TXLNB: variants seen among roughly 807,000 people sequenced by gnomAD.
The protein encoded by TXLNB is taxilin beta.
Under a neutral mutation model 57.4 loss-of-function variants are expected in TXLNB, and 37 were observed. That is an observed-to-expected ratio of 0.64 (90% CI 0.50 to 0.85). TXLNB has a LOEUF of 0.85. TXLNB is among the 40% of genes least tolerant of loss of function. TXLNB has a pLI of 0.00. For synonymous variants in TXLNB, 302 were observed against 309.6 expected (o/e 0.98, Z 0.26); for missense variants, 848 against 825.6 (o/e 1.03, Z -0.33).
the TXLNB span, among the ~76,000 whole-genome samples, chr6:139,163,297 G>C: frequency 6.6e-6 from 1 of 151,990 alleles, no homozygotes; most frequent in African/African-American, 2.4e-5. Context: ...GTAGTGCAGA[G>C]GTGGAGAAGC....
the TXLNB span, among the ~76,000 whole-genome samples, chr6:139,210,266 T>G: frequency 1.3e-5 from 2 of 152,262 alleles, no homozygotes; most frequent in South Asian, 2.1e-4. Flanking sequence ...CTGGTGGGAA[T>G]GTAAACTAGT....
At chr6:139,198,851 C>G in the TXLNB span, among the ~76,000 whole-genome samples, 1 of 152,304 alleles carries the variant, frequency 6.6e-6, no homozygotes, top group Non-Finnish European at 1.5e-5. Flanking sequence ...GCTGCTAACC[C>G]CAGGGAGCGT....
At chr6:139,257,555 A>G (rs1776376393) in intron 6 of TXLNB, among the ~76,000 whole-genome samples, 1 of 152,206 alleles carries the variant, frequency 6.6e-6, no homozygotes, top group South Asian at 2.1e-4. Flanking sequence ...GTGGCTGGGT[A>G]GACCTGCAAG....
At chr6:139,310,755 T>TA in the TXLNB span, among the ~76,000 whole-genome samples, 1 of 152,202 alleles carries the variant, frequency 6.6e-6, no homozygotes, top group Non-Finnish European at 1.5e-5. Flanking sequence ...AGTGCAGTGA[T>TA]ACGATCCCAG....
chr6:139,224,303 G>C, the TXLNB span, among the ~76,000 whole-genome samples: 1 of 130,964 alleles, frequency 7.6e-6, no homozygotes, highest in Non-Finnish European at 1.6e-5. Context: ...TTGTGGGGTG[G>C]GGGGAGGGGG....
the TXLNB span, among the ~76,000 whole-genome samples, chr6:139,185,594 G>A: frequency 1.1e-4 from 17 of 152,104 alleles, no homozygotes; most frequent in Non-Finnish European, 1.8e-4. Flanking sequence ...CCAGCTGCTC[G>A]GGAGGCTGAG....
intron 6 of TXLNB, among the ~76,000 whole-genome samples, chr6:139,258,662 C>G (rs1776404655): frequency 6.6e-6 from 1 of 152,112 alleles, no homozygotes; most frequent in Non-Finnish European, 1.5e-5. Context: ...ATGAAAATCT[C>G]AAGATCAAAA....
the TXLNB span, among the ~76,000 whole-genome samples, chr6:139,196,839 A>T: frequency 6.6e-6 from 1 of 152,170 alleles, no homozygotes; most frequent in Admixed American, 6.5e-5. Context: ...TATTTTCTTA[A>T]TTCCAATTCT....
chr6:139,290,111 G>A (rs1777271352), intron 1 of TXLNB, among the ~76,000 whole-genome samples: 1 of 152,300 alleles, frequency 6.6e-6, no homozygotes, highest in African/African-American at 2.4e-5. Context: ...CACGGGCCAG[G>A]TGCTGTGGCT....
At chr6:139,163,406 G>C in the TXLNB span, among the ~76,000 whole-genome samples, 1 of 150,056 alleles carries the variant, frequency 6.7e-6, no homozygotes, top group Middle Eastern at 3.4e-3. Flanking sequence ...TCAGGCTGGT[G>C]TGCAGTGGCA....
the TXLNB span, among the ~76,000 whole-genome samples, chr6:139,171,030 GATAA>G: frequency 6.6e-6 from 1 of 152,176 alleles, no homozygotes; most frequent in African/African-American, 2.4e-5. Flanking sequence ...GAGATGGGTA[GATAA>G]AGGTGGGGAA....
chr6:139,183,283 ACT>A, the TXLNB span: 1 of 152,104 alleles, frequency 6.6e-6, no homozygotes, highest in Admixed American at 6.5e-5. Flanking sequence ...CAGCTAGCTA[ACT>A]CTTGCTCAGA....
chr6:139,225,529 G>A, the TXLNB span, among the ~76,000 whole-genome samples: 1 of 152,056 alleles, frequency 6.6e-6, no homozygotes, highest in Non-Finnish European at 1.5e-5. Context: ...TATATCGGCA[G>A]CAAACAATAA....
the TXLNB span, among the ~76,000 whole-genome samples, chr6:139,195,121 G>A: frequency 6.6e-6 from 1 of 152,126 alleles, no homozygotes; most frequent in South Asian, 2.1e-4. Flanking sequence ...AATGCCTGGA[G>A]GCCATCTATG....
the TXLNB span, among the ~76,000 whole-genome samples, chr6:139,307,996 G>C: frequency 1.7e-5 from 1 of 59,842 alleles, no homozygotes; most frequent in Non-Finnish European, 4.0e-5. Flanking sequence ...TTCTGCATGC[G>C]AGATTTCAGA....
chr6:139,256,554 TCCTGA>T (rs1424639113), intron 6 of TXLNB, among the ~76,000 whole-genome samples: 1 of 152,266 alleles, frequency 6.6e-6, no homozygotes, highest in African/African-American at 2.4e-5. Flanking sequence ...GGCCTCCAAC[TCCTGA>T]CCTCGTGATC....
intron 3 of TXLNB, among the ~76,000 whole-genome samples, chr6:139,275,156 T>C (rs566983951): frequency 1.3e-3 from 201 of 152,124 alleles, no homozygotes; most frequent in Middle Eastern, 6.8e-3. Context: ...CTTAAAATCA[T>C]AAAAAAGAAG....
chr6:139,261,915 T>TTC (rs1285552058), intron 5 of TXLNB, among the ~76,000 whole-genome samples: 7 of 148,972 alleles, frequency 4.7e-5, no homozygotes, highest in African/African-American at 1.7e-4. Context: ...TTTTTTTTTT[T>TTC]TTTTTTGAGA....
chr6:139,280,068 C>T (rs1197253620), intron 2 of TXLNB, among the ~76,000 whole-genome samples: 10 of 152,078 alleles, frequency 6.6e-5, no homozygotes, highest in Middle Eastern at 3.4e-3. Context: ...TCCTGGCCAA[C>T]GTGGTGAAAC....
Sources: gnomAD v4.1 joint callset for allele counts (sites outside exome capture counted in the v4.1 genomes callset) on GRCh38, gnomAD v4.1.1 for gene constraint, MANE v1.5 for transcripts, NCBI Gene and HGNC (gene_info 2026-07-23, HGNC 2026-07-21) for gene names.